The following CPLX4 variants were observed in gnomAD, a reference collection of about 807,000 sequenced individuals.
CPLX4 encodes the protein complexin-4.
A neutral mutation model predicts 16.1 loss-of-function variants in CPLX4; 17 were observed. The observed-to-expected ratio is 1.06, with a 90% confidence interval of 0.72 to 1.59. CPLX4 has a LOEUF of 1.59. Among genes scored for constraint, CPLX4 ranks in the 40% most tolerant of loss-of-function variants. CPLX4 has a pLI of 0.00. For synonymous variants in CPLX4, 55 were observed against 57.8 expected (o/e 0.95, Z 0.22); for missense variants, 193 against 192.9 (o/e 1.00, Z 0.00).
intron 2 of CPLX4, among the ~76,000 whole-genome samples, chr18:59,298,871 C>T (rs894137938): frequency 2.6e-5 from 4 of 152,308 alleles, no homozygotes; most frequent in South Asian, 2.1e-4. Context: ...TTCTTTGATT[C>T]GGTTCCCTGG....
chr18:59,314,976 T>C (rs2070642684), intron 1 of CPLX4, among the ~76,000 whole-genome samples: 1 of 152,240 alleles, frequency 6.6e-6, no homozygotes, highest in African/African-American at 2.4e-5. Context: ...GCTAAGAATA[T>C]TGTTCTAGAT....
chr18:59,301,354 G>A (rs569774608), intron 2 of CPLX4, among the ~76,000 whole-genome samples: 37 of 152,340 alleles, frequency 2.4e-4, no homozygotes, highest in Non-Finnish European at 4.0e-4. Flanking sequence ...CCAGGGCAGT[G>A]GCCTCAGATG....
chr18:59,309,131 T>C (rs1291227868), intron 2 of CPLX4, among the ~76,000 whole-genome samples: 4 of 152,268 alleles, frequency 2.6e-5, no homozygotes, highest in African/African-American at 9.6e-5. Context: ...TTTTATTAGG[T>C]GCTATTTTTA....
chr18:59,309,466 A>AT (rs1163942925), intron 2 of CPLX4, among the ~76,000 whole-genome samples: 3 of 152,118 alleles, frequency 2.0e-5, no homozygotes, highest in African/African-American at 2.4e-5. Context: ...ATATGCTCCC[A>AT]TTTTTTTAAG....
At chr18:59,313,480 A>G (rs1282668641) in intron 1 of CPLX4, among the ~76,000 whole-genome samples, 1 of 152,196 alleles carries the variant, frequency 6.6e-6, no homozygotes, top group Non-Finnish European at 1.5e-5. Context: ...CTTGCTAATG[A>G]TGATTCAGAC....
chr18:59,308,464 C>CTT (rs56412366), intron 2 of CPLX4, among the ~76,000 whole-genome samples: 122 of 143,744 alleles, frequency 8.5e-4, no homozygotes, highest in African/African-American at 3.0e-3. Flanking sequence ...AATAGTAAGG[C>CTT]TTTTTTTTTT....
rs79317524 is a variant in CPLX4 at position 59,310,357 on chromosome 18, C to T, written c.255+2328G>A. ...CTTTCCATAGTTTCTGTTGGAAAGG[C>T]TCTTGTTTCAAAAGATACCCTGGCA... is the stretch of plus-strand genomic sequence containing the variant. On this transcript the variant is annotated intron_variant, in intron 2 of 2. Transcript: ENST00000299721. Among the ~76,000 whole-genome samples, 28 of 152,272 alleles carry T rather than the reference C, an allele frequency of 1.8e-4. No individual in the cohort carries two copies. The East Asian group carries it at 5.4e-3, about 30-fold the overall frequency.
At position 59,300,453 on chromosome 18, in the gene CPLX4, A is replaced by G. The variant is rs2070532736; in HGVS notation, c.256-3528T>C. Among the ~76,000 whole-genome samples the G allele has an allele frequency of 2.0e-5, 3 of 152,220 alleles. No individual in the cohort carries two copies. The South Asian group carries it at 6.2e-4, about 31-fold the overall frequency. On this transcript the variant is annotated intron_variant, in intron 2 of 2. Transcript: ENST00000299721. The stretch of plus-strand genomic sequence containing the variant: ...CAAATTTGTAGGTCCTCTTTGCTGT[A>G]AAGAGCTCTGTTTTCGTAGCTATCG...
At chr18:59,296,948 T>C in intron 2 of CPLX4, 23 bp from the exon 3 acceptor site, 13 of 1,593,570 alleles carry the variant, frequency 8.2e-6, no homozygotes, top group South Asian at 3.5e-5. Flanking sequence ...TAAATAGAGA[T>C]AGATAAATAA....
chr18:59,316,819 T>C (rs1353721915), intron 1 of CPLX4, among the ~76,000 whole-genome samples: 1 of 152,146 alleles, frequency 6.6e-6, no homozygotes, highest in Non-Finnish European at 1.5e-5. Context: ...TATTAGGTGA[T>C]ATTTTGCATG....
At chr18:59,310,151 T>C (rs1478951019) in intron 2 of CPLX4, among the ~76,000 whole-genome samples, 2 of 152,182 alleles carry the variant, frequency 1.3e-5, no homozygotes, top group Non-Finnish European at 2.9e-5. Context: ...AGGGGCTATA[T>C]GAACATCAGT....
chr18:59,302,086 G>A (rs1022190688), intron 2 of CPLX4, among the ~76,000 whole-genome samples: 1 of 152,140 alleles, frequency 6.6e-6, no homozygotes, highest in Non-Finnish European at 1.5e-5. Flanking sequence ...AGAAAGATCC[G>A]GGACACAGCA....
At chr18:59,302,185 C>T (rs1293482323) in intron 2 of CPLX4, among the ~76,000 whole-genome samples, 2 of 152,238 alleles carry the variant, frequency 1.3e-5, no homozygotes, top group Non-Finnish European at 2.9e-5. Context: ...CTGACAGGAC[C>T]TTGTCTGCAA....
At chr18:59,306,457 A>T (rs147637405) in intron 2 of CPLX4, among the ~76,000 whole-genome samples, 11 of 152,352 alleles carry the variant, frequency 7.2e-5, no homozygotes, top group Non-Finnish European at 1.6e-4. Context: ...TCTGATTACC[A>T]AAATTAACAA....
intron 2 of CPLX4, among the ~76,000 whole-genome samples, chr18:59,311,776 C>T (rs997732919): frequency 5.3e-5 from 8 of 152,188 alleles, no homozygotes; most frequent in Non-Finnish European, 1.2e-4. Flanking sequence ...TCTGTCACTA[C>T]TGGATGCAAG....
At chr18:59,313,811 T>C (rs1318056816) in intron 1 of CPLX4, among the ~76,000 whole-genome samples, 2 of 152,162 alleles carry the variant, frequency 1.3e-5, no homozygotes, top group Non-Finnish European at 2.9e-5. Context: ...TGGTAAGAGA[T>C]AGGGAAAGAG....
intron 2 of CPLX4, among the ~76,000 whole-genome samples, chr18:59,308,921 A>T (rs1268650153): frequency 6.6e-6 from 1 of 152,224 alleles, no homozygotes; most frequent in African/African-American, 2.4e-5. Context: ...CGGGAGGCAG[A>T]GGAGGCGCCC....
intron 2 of CPLX4, among the ~76,000 whole-genome samples, chr18:59,304,136 C>G (rs1222120552): frequency 6.6e-6 from 1 of 152,176 alleles, no homozygotes; most frequent in African/African-American, 2.4e-5. Flanking sequence ...CTATATGCAT[C>G]TTTATTCGAA....
chr18:59,318,169 T>C (rs1022969700), intron 1 of CPLX4, 127 bp downstream of exon 1: 1 of 1,432,270 alleles, frequency 7.0e-7, no homozygotes, highest in African/African-American at 1.4e-5. Flanking sequence ...TTTCCTTGGG[T>C]TAGAGGTAAA....
Sources: allele counts gnomAD v4.1 joint callset (sites outside exome capture counted in the v4.1 genomes callset), GRCh38; gene constraint gnomAD v4.1.1; transcripts MANE v1.5; gene names NCBI Gene and HGNC (gene_info 2026-07-23, HGNC 2026-07-21).